Variants in SNX29 observed in about 807,000 individuals in gnomAD.
SNX29 encodes the protein sorting nexin-29.
In SNX29, 78 loss-of-function variants were observed where a neutral mutation model predicts 102.1. The observed-to-expected ratio is 0.76, with a 90% CI of 0.64 to 0.92. SNX29 has a LOEUF of 0.92. Among genes scored for constraint, SNX29 ranks in the 40% least tolerant of loss-of-function variants. SNX29 has a pLI of 0.00. For missense variants in SNX29, 1,280 were observed against 1,061.7 expected (o/e 1.21, Z -2.86); for synonymous variants, 580 against 414.5 (o/e 1.40, Z -4.85).
intron 20 of SNX29, among the ~76,000 whole-genome samples, chr16:12,549,158 A>G (rs998972926): frequency 2.6e-5 from 4 of 151,796 alleles, no homozygotes; most frequent in African/African-American, 9.7e-5. Context: ...CAGTTATCAC[A>G]TTTGCTGTTC....
At chr16:12,043,558 TG>T (rs1458075599) in intron 5 of SNX29, among the ~76,000 whole-genome samples, 2 of 152,016 alleles carry the variant, frequency 1.3e-5, no homozygotes, top group Non-Finnish European at 2.9e-5. Context: ...GGTCTCAGTG[TG>T]TTGCCCAGGC....
At chr16:12,157,524 C>G (rs1316971536) in intron 13 of SNX29, among the ~76,000 whole-genome samples, 1 of 152,294 alleles carries the variant, frequency 6.6e-6, no homozygotes, top group East Asian at 1.9e-4. Flanking sequence ...CAGTATTATC[C>G]TTTTACCTCA....
chr16:12,175,260 C>T (rs1256248627), intron 13 of SNX29, among the ~76,000 whole-genome samples: 1 of 152,084 alleles, frequency 6.6e-6, no homozygotes, highest in African/African-American at 2.4e-5. Context: ...CGCCTACCCC[C>T]CGAATATATA....
At chr16:11,998,497 C>G (rs4781166) in intron 1 of SNX29, among the ~76,000 whole-genome samples, 1 of 152,290 alleles carries the variant, frequency 6.6e-6, no homozygotes, top group East Asian at 1.9e-4. Context: ...TGAGAGTTAG[C>G]TTGTTTCTAG....
At position 12,569,489 on chromosome 16, in the gene SNX29, G is replaced by C; in HGVS notation, c.*860G>C. ...CTTGGGTCAGGGAACCACTGCAGAAGGTTCCAGGGTTTTCAAACCAGGCTC... is the reference window on the plus strand; with the variant it reads ...CTTGGGTCAGGGAACCACTGCAGAACGTTCCAGGGTTTTCAAACCAGGCTC... On this transcript the variant is annotated 3_prime_UTR_variant, in exon 21 of 21. Transcript: ENST00000566228. 6 of 231,630 alleles carry C rather than the reference G, an allele frequency of 2.6e-5. No homozygotes were observed. Among genetic ancestry groups the C allele is most frequent in the Non-Finnish European group, 4.3e-5 (5 of 117,044 alleles). The allele number at this position is 231,630 out of a possible 1,614,324, so 14.3% of individuals were successfully genotyped here.
chr16:12,158,080 G>A (rs2055628966), intron 13 of SNX29, among the ~76,000 whole-genome samples: 1 of 151,822 alleles, frequency 6.6e-6, no homozygotes, highest in African/African-American at 2.4e-5. Context: ...AAGCGTTGCT[G>A]CTGCTTTTTT....
At chr16:12,381,783 A>C (rs1597167044) in intron 16 of SNX29, among the ~76,000 whole-genome samples, 1 of 82,540 alleles carries the variant, frequency 1.2e-5, no homozygotes, top group South Asian at 4.5e-4. Flanking sequence ...CCAGCCACCC[A>C]CCCACCCATC....
chr16:12,567,258 C>G (rs1306510053), intron 20 of SNX29, among the ~76,000 whole-genome samples: 1 of 152,046 alleles, frequency 6.6e-6, no homozygotes, highest in Non-Finnish European at 1.5e-5. Flanking sequence ...CCTGTCTTCC[C>G]TTGTAGGGTC....
chr16:12,559,809 C>G (rs1162167757), intron 20 of SNX29, among the ~76,000 whole-genome samples: 4 of 152,140 alleles, frequency 2.6e-5, no homozygotes, highest in African/African-American at 7.2e-5. Flanking sequence ...ATCTTCCAGG[C>G]CATTTCCATC....
intron 3 of SNX29, among the ~76,000 whole-genome samples, chr16:12,013,098 A>G (rs1263049337): frequency 2.0e-5 from 3 of 151,524 alleles, no homozygotes; most frequent in East Asian, 4.1e-4. Flanking sequence ...GGGAAGAGAC[A>G]GAAGGATTGA....
intron 14 of SNX29, among the ~76,000 whole-genome samples, chr16:12,240,823 C>A (rs1425139782): frequency 1.3e-5 from 2 of 151,956 alleles, no homozygotes; most frequent in Non-Finnish European, 2.9e-5. Flanking sequence ...CCAGGCTGGT[C>A]TCCATCTGCT....
At chr16:12,529,306 C>A (rs991277993) in intron 20 of SNX29, among the ~76,000 whole-genome samples, 18 of 152,292 alleles carry the variant, frequency 1.2e-4, no homozygotes, top group Non-Finnish European at 2.6e-4. Context: ...TTGGGAAGCC[C>A]CGTGCTGTGT....
At chr16:12,245,636 C>G (rs2078238551) in intron 14 of SNX29, among the ~76,000 whole-genome samples, 1 of 151,980 alleles carries the variant, frequency 6.6e-6, no homozygotes, top group Non-Finnish European at 1.5e-5. Context: ...GTGATTTAGC[C>G]TCCCTTGCTA....
intron 20 of SNX29, among the ~76,000 whole-genome samples, chr16:12,565,711 C>T (rs762163371): frequency 2.0e-4 from 30 of 152,278 alleles, no homozygotes; most frequent in East Asian, 7.7e-4. Context: ...GCAGCTGGGC[C>T]GGGTCTGCCC....
rs187322998 is a variant in SNX29, at chr16:12,352,492, C to T, written c.1783-3671C>T. ...GTAACAAACCTGCACGTTGTGCACA[C>T]GTACCCTAAAACTTAAAGTATAAAA... is the stretch of plus-strand genomic sequence containing the variant. On this transcript the variant is annotated intron_variant, in intron 15 of 20. Coordinates refer to ENST00000566228, the MANE Select transcript of SNX29 (RefSeq NM_032167.5). Among the ~76,000 whole-genome samples, 34 of 152,128 alleles carry T rather than the reference C, an allele frequency of 2.2e-4. No homozygotes were observed. The East Asian group carries it at 4.6e-3, about 21-fold the overall frequency.
intron 18 of SNX29, among the ~76,000 whole-genome samples, chr16:12,472,850 A>G (rs1445618130): frequency 6.6e-6 from 1 of 152,176 alleles, no homozygotes; most frequent in Non-Finnish European, 1.5e-5. Flanking sequence ...TCAGATTTGA[A>G]CTTCCTCTTA....
intron 9 of SNX29, among the ~76,000 whole-genome samples, chr16:12,066,102 C>G (rs1379274796): frequency 6.6e-6 from 1 of 152,126 alleles, no homozygotes; most frequent in Non-Finnish European, 1.5e-5. Flanking sequence ...TCACTGAGCG[C>G]TCTCATTGAA....
At chr16:12,002,204 T>C (rs1027965194) in intron 2 of SNX29, among the ~76,000 whole-genome samples, 8 of 152,078 alleles carry the variant, frequency 5.3e-5, no homozygotes, top group African/African-American at 1.9e-4. Context: ...TCCCAGCACT[T>C]TGGGAGGCCA....
chr16:12,231,152 C>G (rs138484240), intron 14 of SNX29, among the ~76,000 whole-genome samples: 1 of 152,118 alleles, frequency 6.6e-6, no homozygotes, highest in Non-Finnish European at 1.5e-5. Context: ...TGTGCCCTGC[C>G]GGTAATAAGT....
Sources: allele counts gnomAD v4.1 joint callset (sites outside exome capture counted in the v4.1 genomes callset), GRCh38; gene constraint gnomAD v4.1.1; transcripts MANE v1.5; gene names NCBI Gene and HGNC (gene_info 2026-07-23, HGNC 2026-07-21).